GIPC2: variants seen among roughly 807,000 people sequenced by gnomAD.
GIPC2 encodes PDZ domain-containing protein GIPC2.
GIPC2 carries 30 observed loss-of-function variants against 30.6 expected under a neutral mutation model. That is an observed-to-expected ratio of 0.98 (90% CI 0.73 to 1.33). The LOEUF (loss-of-function observed/expected upper bound fraction) is 1.33, where lower values mean the gene tolerates loss of function less well. GIPC2 is among the 40% of genes most tolerant of loss of function. The pLI is 0.00. For synonymous variants in GIPC2, 167 were observed against 150.0 expected (o/e 1.11, Z -0.83); for missense variants, 414 against 390.3 (o/e 1.06, Z -0.51).
rs531001552 is a variant in GIPC2, at chr1:78,129,633, A to G, written c.796+3671A>G. On this transcript the variant is annotated intron_variant, in intron 5 of 5. Coordinates refer to ENST00000370759, the MANE Select transcript of GIPC2 (RefSeq NM_017655.6). ...ATTTGATTGTAAAGTTAAGTTGTGA[A>G]CGATGACTTTTCTACCAGCCAGTGT... 1.2e-4 allele frequency among the ~76,000 whole-genome samples: 18 copies of G among 152,304 alleles called. No homozygotes were observed. The South Asian group carries it at 3.5e-3, about 30-fold the overall frequency.
At chr1:78,108,075 A>G (rs1032489916) in intron 3 of GIPC2, among the ~76,000 whole-genome samples, 2 of 152,172 alleles carry the variant, frequency 1.3e-5, no homozygotes, top group African/African-American at 4.8e-5. Flanking sequence ...AGGCTGTGTA[A>G]TAAACCAGTA....
rs1661814141 is a variant in GIPC2, at chr1:78,080,854, T to A, written c.420T>A (p.Phe140Leu). ...CAGATAATGGTGTTGGCTATGCTTT[T>A]ATAAAGGTAAGTTTTAAAAAATAAC... is the stretch of plus-strand genomic sequence containing the variant. ...TITDNGVGYA[F>L]IKRIKDGGVI... Residue 140 changes from phenylalanine (F) to leucine (L), a missense_variant, in exon 2 of 6, where the codon TTT (phenylalanine) becomes TTA (leucine). Coordinates refer to ENST00000370759, the MANE Select transcript of GIPC2 (RefSeq NM_017655.6). 1.3e-6 allele frequency: 2 copies of A among 1,577,094 alleles called. No homozygotes were observed. The highest frequency in any genetic ancestry group is 1.7e-6 in the Non-Finnish European group (2 of 1,158,064).
intron 2 of GIPC2, among the ~76,000 whole-genome samples, chr1:78,090,849 G>C (rs1662023658): frequency 6.6e-6 from 1 of 152,212 alleles, no homozygotes; most frequent in African/African-American, 2.4e-5. Context: ...AGAGGTCTGT[G>C]AAGCCAGAAT....
At chr1:78,047,497 C>G (rs1438384922) in intron 1 of GIPC2, among the ~76,000 whole-genome samples, 2 of 151,980 alleles carry the variant, frequency 1.3e-5, no homozygotes, top group African/African-American at 2.4e-5. Context: ...ATATAGGATA[C>G]TAATAATACT....
At chr1:78,101,541 T>C (rs1240137176) in intron 3 of GIPC2, among the ~76,000 whole-genome samples, 2 of 152,234 alleles carry the variant, frequency 1.3e-5, no homozygotes, top group African/African-American at 4.8e-5. Context: ...TATTTTTTAC[T>C]GTGGGTCACA....
At chr1:78,090,501 T>C (rs895623615) in intron 2 of GIPC2, among the ~76,000 whole-genome samples, 10 of 152,176 alleles carry the variant, frequency 6.6e-5, no homozygotes, top group Non-Finnish European at 1.2e-4. Context: ...AGCTGAGACT[T>C]GTACTTTCAA....
In GIPC2 at chr1:78,138,039, T is replaced by G. The variant is rs932737237; in HGVS notation, c.*2296T>G. On this transcript the variant is annotated 3_prime_UTR_variant, in exon 6 of 6. Transcript: ENST00000370759. The stretch of plus-strand genomic sequence containing the variant: ...AAATGGAAGATGATTATTTTGTTTG[T>G]TCTTGATTTCCTGTTATTGAAAACA... 1.3e-5 allele frequency: 2 copies of G among 152,148 alleles called. No individual in the cohort carries two copies. The highest frequency in any genetic ancestry group is 1.3e-4 in the Admixed American group (2 of 15,284). The allele number at this position is 152,148 out of a possible 1,614,324, so 9.4% of individuals were successfully genotyped here.
chr1:78,135,857 T>C lies in GIPC2; in HGVS notation c.*114T>C. The C allele has an allele frequency of 1.3e-6, 1 of 783,672 alleles. No homozygotes were observed. Among genetic ancestry groups the C allele is most frequent in the Non-Finnish European group, 2.0e-6 (1 of 489,378 alleles). 48.5% of individuals were successfully genotyped at this position (783,672 alleles called of 1,614,324 possible). On this transcript the variant is annotated 3_prime_UTR_variant, in exon 6 of 6. Coordinates refer to ENST00000370759, the MANE Select transcript of GIPC2 (RefSeq NM_017655.6). ...TTACTAACTCTGGTTTAATTTCATG[T>C]GTATGGAATATATTCTTTGAAATAT...
intron 3 of GIPC2, among the ~76,000 whole-genome samples, chr1:78,110,111 A>G (rs1399299218): frequency 6.6e-6 from 1 of 152,054 alleles, no homozygotes; most frequent in Non-Finnish European, 1.5e-5. Flanking sequence ...GGTGCAGCAC[A>G]CCAACATGGC....
chr1:78,077,637 C>T (rs182540605), intron 1 of GIPC2, among the ~76,000 whole-genome samples: 43 of 152,200 alleles, frequency 2.8e-4, no homozygotes, highest in Non-Finnish European at 5.1e-4. Context: ...TTAGTTTGTC[C>T]GTCAGAGAGT....
chr1:78,097,612 T>G (rs1371224364), intron 3 of GIPC2, among the ~76,000 whole-genome samples: 1 of 152,138 alleles, frequency 6.6e-6, no homozygotes, highest in Non-Finnish European at 1.5e-5. Context: ...TTCCATATTT[T>G]AGGTCCACCA....
intron 2 of GIPC2, chr1:78,091,440 G>A (rs900628701): frequency 6.4e-5 from 38 of 589,284 alleles, no homozygotes; most frequent in African/African-American, 5.6e-4. Context: ...GGAGCCAGGG[G>A]CCTTTGCCTG....
At chr1:78,130,470 G>A (rs1280706543) in intron 5 of GIPC2, among the ~76,000 whole-genome samples, 1 of 152,098 alleles carries the variant, frequency 6.6e-6, no homozygotes, top group Non-Finnish European at 1.5e-5. Flanking sequence ...TTCAGATAAA[G>A]CCAATGAAGT....
intron 2 of GIPC2, among the ~76,000 whole-genome samples, chr1:78,093,422 T>G (rs2100373173): frequency 6.6e-6 from 1 of 152,374 alleles, no homozygotes; most frequent in East Asian, 1.9e-4. Context: ...GAGCTCTGTT[T>G]AAATTGGCAT....
chr1:78,109,722 AGT>A (rs901773146), intron 3 of GIPC2, among the ~76,000 whole-genome samples: 15 of 152,306 alleles, frequency 9.8e-5, no homozygotes, highest in Non-Finnish European at 1.6e-4. Context: ...AGATGAATAT[AGT>A]GTGTTTTTTT....
chr1:78,107,551 G>A (rs907358769), intron 3 of GIPC2, among the ~76,000 whole-genome samples: 2 of 152,044 alleles, frequency 1.3e-5, no homozygotes, highest in African/African-American at 2.4e-5. Context: ...CTGGCCAAGT[G>A]TGGTGGCTCA....
At chr1:78,098,136 C>T (rs947285154) in intron 3 of GIPC2, among the ~76,000 whole-genome samples, 4 of 152,106 alleles carry the variant, frequency 2.6e-5, no homozygotes, top group African/African-American at 9.7e-5. Flanking sequence ...ATCTGTCAGT[C>T]TGGGAGTATT....
intron 2 of GIPC2, among the ~76,000 whole-genome samples, chr1:78,086,694 T>A (rs1385825635): frequency 6.6e-6 from 1 of 152,122 alleles, no homozygotes; most frequent in Non-Finnish European, 1.5e-5. Flanking sequence ...TTCTCTGTCT[T>A]TTTTGATCTT....
chr1:78,088,766 C>A (rs1427149896), intron 2 of GIPC2, among the ~76,000 whole-genome samples: 1 of 151,664 alleles, frequency 6.6e-6, no homozygotes, highest in Non-Finnish European at 1.5e-5. Context: ...ATTGCTTGAG[C>A]CTGGGGAACT....
Sources: gnomAD v4.1 joint callset for allele counts (sites outside exome capture counted in the v4.1 genomes callset) on GRCh38, gnomAD v4.1.1 for gene constraint, MANE v1.5 for transcripts, NCBI Gene and HGNC (gene_info 2026-07-23, HGNC 2026-07-21) for gene names.